XDH: variants seen among roughly 807,000 people sequenced by gnomAD.
XDH encodes the protein xanthine dehydrogenase/oxidase.
In XDH, 138 loss-of-function variants were observed where a neutral mutation model predicts 156.1. The observed-to-expected ratio is 0.88, with a 90% CI of 0.77 to 1.02. The LOEUF (loss-of-function observed/expected upper bound fraction) is 1.02, where lower values mean the gene tolerates loss of function less well. Ranked by LOEUF, XDH falls within the 50% of genes least tolerant of loss-of-function variation. The pLI, the probability that XDH is intolerant of heterozygous loss-of-function variation, is 0.00. For synonymous variants in XDH, 669 were observed against 625.7 expected, an observed-to-expected ratio of 1.07 and a Z score of -1.03; for missense variants, 1,849 against 1,684.9, an observed-to-expected ratio of 1.10 and a Z score of -1.71.
intron 30 of XDH, among the ~76,000 whole-genome samples, chr2:31,345,266 C>T (rs556183455): frequency 6.6e-6 from 1 of 152,330 alleles, no homozygotes; most frequent in East Asian, 1.9e-4. Flanking sequence ...GCCCTCCATT[C>T]TCCCCTCCTT....
chr2:31,406,908 C>G (rs1687204427), intron 1 of XDH, among the ~76,000 whole-genome samples: 1 of 152,138 alleles, frequency 6.6e-6, no homozygotes, highest in Non-Finnish European at 1.5e-5. Context: ...AATCTCAAAC[C>G]AAAGATCCAT....
chr2:31,402,276 T>G (rs1359095699), intron 3 of XDH, among the ~76,000 whole-genome samples: 1 of 152,192 alleles, frequency 6.6e-6, no homozygotes, highest in African/African-American at 2.4e-5. Context: ...TTGTAACCAA[T>G]CAAATAATTT....
At chr2:31,400,741 G>A (rs951504678) in intron 4 of XDH, among the ~76,000 whole-genome samples, 16 of 152,256 alleles carry the variant, frequency 1.1e-4, no homozygotes, top group African/African-American at 3.6e-4. Context: ...TAATGAAAGA[G>A]GAGGCCTAGC....
At chr2:31,384,512 A>T (rs1159105025) in intron 9 of XDH, 1 of 155,392 alleles carries the variant, frequency 6.4e-6, no homozygotes, top group Non-Finnish European at 1.4e-5. Flanking sequence ...GGGGCCACAC[A>T]TCTGTGTGTG....
chr2:31,399,599 C>A (rs2010704), intron 4 of XDH, among the ~76,000 whole-genome samples: 74,466 of 152,014 alleles, frequency 0.49, 18,535 homozygotes, highest in African/African-American at 0.55. Flanking sequence ...GTCCTCACCC[C>A]AATCTCATCT....
chr2:31,373,347 A>G (rs889466898), intron 16 of XDH, among the ~76,000 whole-genome samples: 27 of 152,340 alleles, frequency 1.8e-4, no homozygotes, highest in Non-Finnish European at 2.4e-4. Flanking sequence ...GTTTTTGTAA[A>G]TAAAGTTTTA....
At chr2:31,402,967 A>G (rs967172949) in intron 3 of XDH, 81 bp downstream of exon 3, 22 of 1,481,290 alleles carry the variant, frequency 1.5e-5, no homozygotes, top group East Asian at 1.1e-4. Context: ...GCACATACAC[A>G]CATACACTCA....
chr2:31,385,402 C>T (rs571198523), intron 9 of XDH, among the ~76,000 whole-genome samples: 1 of 152,270 alleles, frequency 6.6e-6, no homozygotes, highest in African/African-American at 2.4e-5. Context: ...ACGAGGGAGG[C>T]GTCCATTCTG....
chr2:31,391,951 G>A (rs1011232794), intron 6 of XDH, among the ~76,000 whole-genome samples: 5 of 152,172 alleles, frequency 3.3e-5, no homozygotes, highest in Non-Finnish European at 7.4e-5. Context: ...TGCTTTCTGT[G>A]TTAAAGGTTA....
chr2:31,401,928 T>C (rs1687071056), intron 3 of XDH, among the ~76,000 whole-genome samples: 1 of 152,194 alleles, frequency 6.6e-6, no homozygotes, highest in Admixed American at 6.5e-5. Context: ...TGCTGAGGGC[T>C]GGGAAAATAA....
intron 33 of XDH, 139 bp downstream of exon 33, chr2:31,341,190 G>T: frequency 1.1e-6 from 1 of 890,512 alleles, no homozygotes. Flanking sequence ...ATTCTACTTT[G>T]GGGGAAACTC....
chr2:31,390,815 G>C (rs893966608), intron 6 of XDH, among the ~76,000 whole-genome samples: 1 of 152,154 alleles, frequency 6.6e-6, no homozygotes, highest in Non-Finnish European at 1.5e-5. Flanking sequence ...TGGTGAGGTA[G>C]CTGTGCAGGT....
rs867986528 is a variant in XDH, at chr2:31,409,183, G to A, written c.43-3219C>T. 2.0e-5 allele frequency among the ~76,000 whole-genome samples: 3 copies of A among 151,664 alleles called. No individual in the cohort carries two copies. The South Asian group carries it at 6.2e-4, about 31-fold the overall frequency. ...AGAGGAAAGTAGGGATGGCTAATAG[G>A]TACAAAAAAATAGAAAGAATGAAAA... is the stretch of plus-strand genomic sequence containing the variant. On this transcript the variant is annotated intron_variant, in intron 1 of 35. Coordinates refer to ENST00000379416, the MANE Select transcript of XDH (RefSeq NM_000379.4).
At chr2:31,370,211 T>C (rs1686035566) in intron 18 of XDH, 144 bp downstream of exon 18, 3 of 918,014 alleles carry the variant, frequency 3.3e-6, no homozygotes, top group Admixed American at 2.3e-5. Flanking sequence ...CTTTTTGGAT[T>C]GTCCTGAATA....
chr2:31,387,811 C>G lies in XDH; in HGVS notation c.651G>C (p.Leu217=). 6.3e-7 allele frequency: 1 copy of G among 1,578,382 alleles called. No homozygotes were observed. The highest frequency in any genetic ancestry group is 2.3e-5 in the East Asian group (1 of 43,800). Residue 217 remains leucine, a splice_region_variant and synonymous_variant, in exon 8 of 36, where the codon CTG becomes CTC. Coordinates refer to ENST00000379416, the MANE Select transcript of XDH (RefSeq NM_000379.4). The stretch of plus-strand genomic sequence containing the variant: ...GATCTGTCCCTGAGGCATCACCTAC[C>G]AGCAACTCTGGGGGAAAAATGGGCT... The part of the protein sequence containing the change: ...TQEPIFPPEL[L]RLKDTPRKQL...
chr2:31,350,056 C>A lies in XDH; in HGVS notation c.2799G>T (p.Val933=). The part of the protein sequence containing the change: ...IAECWMSEVA[V]TCGMPAEEVR... ...CCTCCTCTGCAGGCATCCCACAGGT[C>A]ACTGCAACTTCACTCATCCAGCACT... The change falls in exon 25 of 36, where the codon GTG becomes GTT. Residue 933 remains valine (V), a synonymous_variant. Transcript: ENST00000379416. 1 of 1,614,202 alleles carries A rather than the reference C, an allele frequency of 6.2e-7. No homozygotes were observed. The highest frequency in any genetic ancestry group is 1.1e-5 in the South Asian group (1 of 91,080).
At chr2:31,411,164 T>C (rs1448082569) in intron 1 of XDH, among the ~76,000 whole-genome samples, 1 of 150,788 alleles carries the variant, frequency 6.6e-6, no homozygotes, top group East Asian at 2.0e-4. Context: ...GCGCCTGTAA[T>C]CCCAGCTACT....
At chr2:31,413,232 G>C (rs923226174) in intron 1 of XDH, among the ~76,000 whole-genome samples, 3 of 152,216 alleles carry the variant, frequency 2.0e-5, no homozygotes, top group Non-Finnish European at 4.4e-5. Flanking sequence ...AGATGGCTTT[G>C]TGTAAGTAGC....
intron 24 of XDH, among the ~76,000 whole-genome samples, chr2:31,361,611 T>G (rs925917415): frequency 1.3e-5 from 2 of 152,160 alleles, no homozygotes; most frequent in African/African-American, 4.8e-5. Context: ...GCTAAGCAAT[T>G]ATACCTACAA....
Sources: allele counts gnomAD v4.1 joint callset (sites outside exome capture counted in the v4.1 genomes callset), GRCh38; gene constraint gnomAD v4.1.1; transcripts MANE v1.5; gene names NCBI Gene and HGNC (gene_info 2026-07-23, HGNC 2026-07-21).